DRD2: variants seen among roughly 807,000 people sequenced by gnomAD.
DRD2 encodes D(2) dopamine receptor.
Under a neutral mutation model 38.0 loss-of-function variants are expected in DRD2, and 8 were observed. The observed-to-expected ratio is 0.21, with a 90% CI of 0.12 to 0.38. The LOEUF (loss-of-function observed/expected upper bound fraction) is 0.38, where lower values mean the gene tolerates loss of function less well. DRD2 is among the 10% of genes least tolerant of loss of function. The pLI is 1.00. For missense variants in DRD2, 403 were observed against 607.7 expected (o/e 0.66, Z 3.54); for synonymous variants, 230 against 238.6 (o/e 0.96, Z 0.33).
chr11:113,410,864 A>C lies in DRD2; in HGVS notation c.1195T>G (p.Cys399Gly). Residue 399 changes from cysteine to glycine, a missense_variant, in exon 8 of 8, where the codon TGT becomes GGT. Cys to Gly is a radical substitution (Grantham distance 159, BLOSUM62 -3). Transcript: ENST00000362072. The part of the protein sequence containing the change: ...FFITHILNIH[C>G]DCNIPPVLYS... Reference sequence around the variant, plus strand: ...AGGACAGGCGGGATGTTGCAGTCACAGTGTATGTTCAGGATGTGTGTGATG... The same window carrying C: ...AGGACAGGCGGGATGTTGCAGTCACCGTGTATGTTCAGGATGTGTGTGATG... 1.9e-6 allele frequency: 3 copies of C among 1,614,106 alleles called. No individual in the cohort carries two copies. The South Asian group carries it at 3.3e-5, about 18-fold the overall frequency.
chr11:113,443,691 G>T (rs932382664), intron 1 of DRD2, among the ~76,000 whole-genome samples: 7 of 152,190 alleles, frequency 4.6e-5, no homozygotes, highest in Admixed American at 2.0e-4. Context: ...TCTTGTCATT[G>T]TCATTAGTTT....
chr11:113,453,111 A>G (rs922792012), intron 1 of DRD2, among the ~76,000 whole-genome samples: 7 of 152,180 alleles, frequency 4.6e-5, no homozygotes, highest in Non-Finnish European at 7.3e-5. Context: ...TCTCTAAGCC[A>G]CAGTTTTATC....
chr11:113,412,493 G>T, intron 7 of DRD2, 63 bp downstream of exon 7: 1 of 1,580,162 alleles, frequency 6.3e-7, no homozygotes, highest in South Asian at 1.1e-5. Context: ...GGTTAGGAAG[G>T]ACATGGCAGG....
At chr11:113,444,325 C>T (rs908522775) in intron 1 of DRD2, among the ~76,000 whole-genome samples, 5 of 152,198 alleles carry the variant, frequency 3.3e-5, no homozygotes, top group Admixed American at 6.5e-5. Context: ...GCATGAGCCA[C>T]ACCCAGCTGG....
chr11:113,465,970 G>A (rs1015450694), intron 1 of DRD2, among the ~76,000 whole-genome samples: 6 of 152,272 alleles, frequency 3.9e-5, no homozygotes, highest in Non-Finnish European at 8.8e-5. Flanking sequence ...CTTTATGTGC[G>A]TGACTCATTT....
chr11:113,449,316 T>C (rs1006738503), intron 1 of DRD2, among the ~76,000 whole-genome samples: 4 of 152,090 alleles, frequency 2.6e-5, no homozygotes, highest in Admixed American at 2.0e-4. Flanking sequence ...TAGAGTCTGA[T>C]ATGGGAGGCT....
chr11:113,429,742 C>T (rs1950969918), intron 1 of DRD2, among the ~76,000 whole-genome samples: 2 of 152,312 alleles, frequency 1.3e-5, no homozygotes, highest in South Asian at 4.2e-4. Context: ...CTGAGAGGTG[C>T]TAGTATAACA....
intron 1 of DRD2, among the ~76,000 whole-genome samples, chr11:113,444,631 T>A (rs1951126484): frequency 1.3e-5 from 2 of 152,208 alleles, no homozygotes; most frequent in Non-Finnish European, 2.9e-5. Flanking sequence ...TCTTTTACAC[T>A]CCATGGGCCA....
intron 1 of DRD2, among the ~76,000 whole-genome samples, chr11:113,463,423 C>A (rs1204908135): frequency 6.6e-6 from 1 of 152,206 alleles, no homozygotes; most frequent in East Asian, 1.9e-4. Context: ...TGCTTCCAAG[C>A]AGCCATGAGA....
intron 1 of DRD2, among the ~76,000 whole-genome samples, chr11:113,446,890 TG>T (rs1050377138): frequency 1.3e-5 from 2 of 152,100 alleles, no homozygotes; most frequent in Admixed American, 1.3e-4. Context: ...GTTTCCAAAG[TG>T]GGAGGGGTCT....
chr11:113,445,488 G>A (rs921653786), intron 1 of DRD2, among the ~76,000 whole-genome samples: 9 of 152,272 alleles, frequency 5.9e-5, no homozygotes, highest in Middle Eastern at 3.4e-3. Context: ...CTGTGTGAAG[G>A]GGCTGTCCAG....
At chr11:113,433,727 A>G (rs1041750004) in intron 1 of DRD2, among the ~76,000 whole-genome samples, 24 of 152,118 alleles carry the variant, frequency 1.6e-4, no homozygotes, top group African/African-American at 4.6e-4. Flanking sequence ...GTCTGGCCCT[A>G]TGCAGCTGGA....
chr11:113,414,432 T>C lies in DRD2; in HGVS notation c.753A>G (p.Lys251=). ...TAGACTTCATGATAACGGTGCAGAG[T>C]TTCATGTCCTCGGGGTGAGTACAGT... ...KGNCTHPEDM[K]LCTVIMKSNG... The change falls in exon 6 of 8, where the codon AAA becomes AAG. Residue 251 remains lysine, a synonymous_variant. Transcript: ENST00000362072. 1.2e-6 allele frequency: 2 copies of C among 1,614,024 alleles called. No homozygotes were observed. Among genetic ancestry groups the C allele is most frequent in the Non-Finnish European group, 1.7e-6 (2 of 1,180,010 alleles).
intron 7 of DRD2, 57 bp downstream of exon 7, chr11:113,412,499 G>A (rs1950778178): frequency 6.3e-7 from 1 of 1,592,180 alleles, no homozygotes; most frequent in Admixed American, 1.7e-5. Flanking sequence ...GAAGGACATG[G>A]CAGGGAATGG....
At chr11:113,442,632 G>C (rs1319339790) in intron 1 of DRD2, among the ~76,000 whole-genome samples, 1 of 152,178 alleles carries the variant, frequency 6.6e-6, no homozygotes, top group Admixed American at 6.5e-5. Context: ...CTTCCCTGCT[G>C]ATATTCCATG....
At chr11:113,436,055 C>T (rs746976260) in intron 1 of DRD2, among the ~76,000 whole-genome samples, 7 of 152,196 alleles carry the variant, frequency 4.6e-5, no homozygotes, top group East Asian at 3.9e-4. Flanking sequence ...CTTGTCCCCA[C>T]GTTTCTCATC....
At chr11:113,413,301 A>C in intron 6 of DRD2, 1 of 542,108 alleles carries the variant, frequency 1.8e-6, no homozygotes, top group Non-Finnish European at 3.6e-6. Flanking sequence ...CTCCCTGTCA[A>C]ACAAGGGGCC....
chr11:113,424,707 G>C, intron 1 of DRD2, 25 bp from the exon 2 acceptor site: 4 of 1,611,186 alleles, frequency 2.5e-6, no homozygotes, highest in Non-Finnish European at 2.5e-6. Flanking sequence ...TGGACACAAG[G>C]TGTCAGTGAG....
At position 113,412,802 on chromosome 11, in the gene DRD2, T is replaced by G. The variant is rs1201367879; in HGVS notation, c.892A>C (p.Ile298Leu). 1 of 1,612,916 alleles carries G rather than the reference T, an allele frequency of 6.2e-7. No homozygotes were observed. Among genetic ancestry groups the G allele is most frequent in the Non-Finnish European group, 8.5e-7 (1 of 1,179,694 alleles). ...GTCAGCTGGTGGTGGCTGGGTGGGA[T>G]GGGGCTGTACCGGGTCCTCTCGGGT... ...SPPERTRYSP[I>L]PPSHHQLTLP... The change falls in exon 7 of 8, where the codon ATC (isoleucine) becomes CTC (leucine). Residue 298 changes from isoleucine to leucine, a missense_variant. Around this residue, in one of 4 missense-constraint regions of DRD2, gnomAD observed 166 missense variants for 178.6 expected, o/e 0.93. Coordinates refer to ENST00000362072, the MANE Select transcript of DRD2 (RefSeq NM_000795.4).
Sources: gnomAD v4.1 joint callset for allele counts (sites outside exome capture counted in the v4.1 genomes callset) on GRCh38, gnomAD v4.1.1 for gene constraint, gnomAD v4.1.1 regional missense constraint, MANE v1.5 for transcripts, NCBI Gene and HGNC (gene_info 2026-07-23, HGNC 2026-07-21) for gene names.